The following EDN1 variants were observed in gnomAD, a reference collection of about 807,000 sequenced individuals.
EDN1 encodes the protein endothelin 1.
Under a neutral mutation model 21.7 loss-of-function variants are expected in EDN1, and 11 were observed. The ratio of observed to expected loss-of-function variants is 0.51; its 90% confidence interval spans 0.32 to 0.84. EDN1 has a LOEUF of 0.84. EDN1 is among the 40% of genes least tolerant of loss of function. EDN1 has a pLI of 0.03. For synonymous variants in EDN1, 85 were observed against 90.6 expected (o/e 0.94, Z 0.35); for missense variants, 244 against 262.3 (o/e 0.93, Z 0.48).
the EDN1 span, among the ~76,000 whole-genome samples, chr6:12,274,798 A>T: frequency 6.6e-6 from 1 of 152,230 alleles, no homozygotes; most frequent in Non-Finnish European, 1.5e-5. Flanking sequence ...CAAGTGTCAG[A>T]TGTGGGATTC....
At chr6:12,284,437 A>G in the EDN1 span, among the ~76,000 whole-genome samples, 2 of 151,826 alleles carry the variant, frequency 1.3e-5, no homozygotes, top group Admixed American at 1.3e-4. Flanking sequence ...GCTTAAGCCC[A>G]GGAGGTCCAG....
chr6:12,289,220 T>A (rs1762616508), upstream of EDN1, among the ~76,000 whole-genome samples: 1 of 152,212 alleles, frequency 6.6e-6, no homozygotes, highest in Non-Finnish European at 1.5e-5. Context: ...TCTGATTCCT[T>A]GTTCGAATGG....
chr6:12,283,021 T>C, the EDN1 span, among the ~76,000 whole-genome samples: 2 of 152,246 alleles, frequency 1.3e-5, no homozygotes, highest in African/African-American at 4.8e-5. Flanking sequence ...AAAATTATTC[T>C]TGTAACTATC....
the EDN1 span, among the ~76,000 whole-genome samples, chr6:12,248,246 G>C: frequency 6.6e-6 from 1 of 152,192 alleles, no homozygotes; most frequent in Non-Finnish European, 1.5e-5. Flanking sequence ...GAGCAAGAAG[G>C]AGGCTGTCTG....
the EDN1 span, among the ~76,000 whole-genome samples, chr6:12,282,591 C>T: frequency 6.6e-6 from 1 of 152,178 alleles, no homozygotes; most frequent in Non-Finnish European, 1.5e-5. Context: ...TCCTCCTCCT[C>T]CTTCTTCCTC....
chr6:12,256,490 C>T, the EDN1 span, among the ~76,000 whole-genome samples: 1 of 152,160 alleles, frequency 6.6e-6, no homozygotes, highest in Non-Finnish European at 1.5e-5. Flanking sequence ...GAGCCATCAA[C>T]CTAATAACAA....
the EDN1 span, among the ~76,000 whole-genome samples, chr6:12,254,140 A>G: frequency 6.6e-6 from 1 of 151,984 alleles, no homozygotes; most frequent in Non-Finnish European, 1.5e-5. Context: ...GAACTCCTTA[A>G]TGTCACCCTC....
At chr6:12,275,851 A>G in the EDN1 span, among the ~76,000 whole-genome samples, 3 of 151,404 alleles carry the variant, frequency 2.0e-5, no homozygotes, top group Non-Finnish European at 4.4e-5. Flanking sequence ...GCCCATTTGT[A>G]TTTGTACATA....
chr6:12,282,700 G>T, the EDN1 span, among the ~76,000 whole-genome samples: 95 of 152,228 alleles, frequency 6.2e-4, no homozygotes, highest in African/African-American at 2.2e-3. Context: ...ACACACAAAT[G>T]AAGTATATTC....
chr6:12,276,796 T>TTTTGAA, the EDN1 span, among the ~76,000 whole-genome samples: 2 of 152,212 alleles, frequency 1.3e-5, no homozygotes, highest in African/African-American at 4.8e-5. Flanking sequence ...CACCAATGCC[T>TTTTGAA]GGGAGGCAGG....
chr6:12,272,798 A>G, the EDN1 span, among the ~76,000 whole-genome samples: 4 of 152,266 alleles, frequency 2.6e-5, no homozygotes, highest in East Asian at 7.7e-4. Context: ...ATGTGTGTCA[A>G]AGATAGCCTT....
At chr6:12,278,137 T>C in the EDN1 span, among the ~76,000 whole-genome samples, 1 of 152,356 alleles carries the variant, frequency 6.6e-6, no homozygotes, top group East Asian at 1.9e-4. Context: ...CTTTTCTCTT[T>C]AGTAAGAATT....
chr6:12,294,052 A>C lies in EDN1; in HGVS notation c.345A>C (p.Lys115Asn). The change falls in exon 3 of 5, where the codon AAA (lysine) becomes AAC (asparagine). Residue 115 changes from lysine to asparagine, a missense_variant. Coordinates refer to ENST00000379375, the MANE Select transcript of EDN1 (RefSeq NM_001955.5). Reference protein sequence around the residue: ...RENRCQCASQKDKKCWNFCQA... With the variant: ...RENRCQCASQNDKKCWNFCQA... Reference sequence around the variant, plus strand: ...ATAGATGCCAATGTGCTAGCCAAAAAGACAAGAAGTGCTGGAATTTTTGCC... The same window carrying C: ...ATAGATGCCAATGTGCTAGCCAAAACGACAAGAAGTGCTGGAATTTTTGCC... 6.2e-7 allele frequency: 1 copy of C among 1,614,256 alleles called. No homozygotes were observed. The highest frequency in any genetic ancestry group is 8.5e-7 in the Non-Finnish European group (1 of 1,180,052).
the EDN1 span, among the ~76,000 whole-genome samples, chr6:12,244,682 G>C: frequency 1.5e-4 from 23 of 152,318 alleles, no homozygotes; most frequent in East Asian, 1.3e-3. Flanking sequence ...AGAGTATACT[G>C]TAAGTGCTTC....
chr6:12,294,460 G>C, intron 4 of EDN1, 56 bp downstream of exon 4: 9 of 1,602,454 alleles, frequency 5.6e-6, no homozygotes, highest in Non-Finnish European at 7.7e-6. Flanking sequence ...ACTAGCCCCA[G>C]TCAGTGATGC....
At chr6:12,252,353 A>AT in the EDN1 span, among the ~76,000 whole-genome samples, 1 of 152,226 alleles carries the variant, frequency 6.6e-6, no homozygotes, top group Non-Finnish European at 1.5e-5. Flanking sequence ...TGAGGTTTTA[A>AT]TTTCATACAT....
At chr6:12,272,473 T>TC in the EDN1 span, among the ~76,000 whole-genome samples, 1 of 121,640 alleles carries the variant, frequency 8.2e-6, no homozygotes, top group Non-Finnish European at 1.9e-5. Context: ...TTTTTTTTTT[T>TC]TGAGACAGAG....
upstream of EDN1, among the ~76,000 whole-genome samples, chr6:12,287,039 C>T (rs1762567836): frequency 6.6e-6 from 1 of 151,992 alleles, no homozygotes; most frequent in Non-Finnish European, 1.5e-5. Flanking sequence ...GTCACTTGAG[C>T]CCAGGAGGTT....
chr6:12,246,042 A>C, the EDN1 span, among the ~76,000 whole-genome samples: 10 of 152,276 alleles, frequency 6.6e-5, no homozygotes, highest in Non-Finnish European at 1.3e-4. Context: ...TCCTTAAAGA[A>C]ATTGCATATA....
Sources: gnomAD v4.1 joint callset for allele counts (sites outside exome capture counted in the v4.1 genomes callset) on GRCh38, gnomAD v4.1.1 for gene constraint, MANE v1.5 for transcripts, NCBI Gene and HGNC (gene_info 2026-07-23, HGNC 2026-07-21) for gene names.